The following CSPG4 variants were observed in gnomAD, a reference collection of about 807,000 sequenced individuals.
CSPG4 encodes the protein chondroitin sulfate proteoglycan 4 (melanoma-associated).
Under a neutral mutation model 139.3 loss-of-function variants are expected in CSPG4, and 74 were observed. The ratio of observed to expected loss-of-function variants is 0.53; its 90% CI spans 0.44 to 0.64. The LOEUF (loss-of-function observed/expected upper bound fraction) is 0.64, where lower values mean the gene tolerates loss of function less well. Ranked by LOEUF, CSPG4 falls within the 30% of genes least tolerant of loss-of-function variation. The pLI, the probability that CSPG4 is intolerant of heterozygous loss-of-function variation, is 0.00. For missense variants in CSPG4, 2,565 were observed against 3,148.3 expected, an observed-to-expected ratio of 0.81 and a Z score of 4.43; for synonymous variants, 1,234 against 1,394.2, an observed-to-expected ratio of 0.89 and a Z score of 2.56.
At chr15:75,678,380 T>C (rs1596005688) in intron 8 of CSPG4, 1 of 246,956 alleles carries the variant, frequency 4.0e-6, no homozygotes, top group East Asian at 1.3e-4. Context: ...TGAGACAGGG[T>C]CTTGCTCTGT....
At chr15:75,706,427 GTA>G (rs1331871496) in intron 1 of CSPG4, among the ~76,000 whole-genome samples, 3 of 151,988 alleles carry the variant, frequency 2.0e-5, no homozygotes, top group South Asian at 2.1e-4. Context: ...GTGTGAATGT[GTA>G]TGTGTGTGTG....
chr15:75,677,027 C>G lies in CSPG4; in HGVS notation c.5492G>C (p.Arg1831Pro), dbSNP rs1278061018. 7.7e-6 allele frequency: 11 copies of G among 1,433,624 alleles called. No homozygotes were observed. Among genetic ancestry groups the G allele is most frequent in the Non-Finnish European group, 1.0e-5 (11 of 1,086,760 alleles). 88.8% of individuals were successfully genotyped at this position (1,433,624 alleles called of 1,614,324 possible). A position where few individuals can be genotyped will look rare whatever the true frequency, so the allele number is the denominator to read the frequency against. ...GACAGAGGCCTGTGGCTGAGGGGGC[C>G]GCTCATTTACATCCCTCACCGTGAT... ...FAITVRDVNE[R>P]PPQPQASVPL... The change falls in exon 10 of 10, where the codon CGG becomes CCG. Residue 1831 changes from arginine (R) to proline (P), a missense_variant. By Grantham distance (103) the Arg-to-Pro change is moderately radical. This residue lies in a region of CSPG4 where 2,316 missense variants were observed against 2,818.2 expected (regional missense o/e 0.82). Coordinates refer to ENST00000308508, the MANE Select transcript of CSPG4 (RefSeq NM_001897.5).
intron 1 of CSPG4, among the ~76,000 whole-genome samples, chr15:75,707,502 T>A (rs1424461290): frequency 6.6e-6 from 1 of 152,242 alleles, no homozygotes; most frequent in East Asian, 1.9e-4. Context: ...TCAGCCAGTG[T>A]GGAGTGAGGG....
At chr15:75,692,217 C>G (rs569742761) in intron 2 of CSPG4, among the ~76,000 whole-genome samples, 1 of 152,188 alleles carries the variant, frequency 6.6e-6, no homozygotes, top group Non-Finnish European at 1.5e-5. Flanking sequence ...CTCCTGACCT[C>G]AGGTGATCCA....
intron 3 of CSPG4, among the ~76,000 whole-genome samples, chr15:75,686,150 G>A (rs1413674434): frequency 2.0e-5 from 3 of 152,166 alleles, no homozygotes; most frequent in Non-Finnish European, 2.9e-5. Context: ...GCAGGGGGTC[G>A]GTCACACAGC....
At chr15:75,686,943 AG>A (rs1309796777) in intron 3 of CSPG4, among the ~76,000 whole-genome samples, 2 of 152,128 alleles carry the variant, frequency 1.3e-5, no homozygotes, top group Non-Finnish European at 2.9e-5. Flanking sequence ...ATGTCCTCCC[AG>A]GGAACTGACT....
chr15:75,694,075 G>A (rs916382112), intron 1 of CSPG4, among the ~76,000 whole-genome samples: 3 of 152,246 alleles, frequency 2.0e-5, no homozygotes, highest in African/African-American at 7.2e-5. Flanking sequence ...AGGAACCAGG[G>A]ATGAGAACAG....
At chr15:75,703,364 A>G (rs1331827830) in intron 1 of CSPG4, among the ~76,000 whole-genome samples, 1 of 151,352 alleles carries the variant, frequency 6.6e-6, no homozygotes, top group East Asian at 2.0e-4. Context: ...GGCAGACAGA[A>G]GCCGTGAGGG....
rs771066605 is a variant in CSPG4 at position 75,687,241 on chromosome 15, G to A, written c.3789+35C>T. 1.2e-6 allele frequency: 2 copies of A among 1,605,890 alleles called. No individual in the cohort carries two copies. The highest frequency in any genetic ancestry group is 1.1e-5 in the South Asian group (1 of 90,720). On this transcript the variant is annotated intron_variant, in intron 3 of 9. Coordinates refer to ENST00000308508, the MANE Select transcript of CSPG4 (RefSeq NM_001897.5). The surrounding 1 kb of genome is among the most constrained non-coding windows in gnomAD (Gnocchi z 5.4). ...AGGCTGGGAGAAGGCCCTCTACCTGGCCCACACCCCTGCTCACCACCTCCA... is the reference window on the plus strand; with the variant it reads ...AGGCTGGGAGAAGGCCCTCTACCTGACCCACACCCCTGCTCACCACCTCCA...
chr15:75,691,520 G>A (rs1894165180), intron 2 of CSPG4, among the ~76,000 whole-genome samples: 1 of 152,188 alleles, frequency 6.6e-6, no homozygotes, highest in Non-Finnish European at 1.5e-5. Context: ...TGGGTAACTG[G>A]GAATCCCTTG....
chr15:75,703,487 G>C (rs936202340), intron 1 of CSPG4, among the ~76,000 whole-genome samples: 1 of 151,786 alleles, frequency 6.6e-6, no homozygotes, highest in African/African-American at 2.4e-5. Context: ...CTGTGGCCTC[G>C]CCCACCCCCA....
At chr15:75,678,853 C>A (rs757746599) in intron 8 of CSPG4, 20 of 453,392 alleles carry the variant, frequency 4.4e-5, no homozygotes, top group Non-Finnish European at 8.4e-5. Flanking sequence ...TTGGATCCAG[C>A]GGTCGGCTCT....
chr15:75,710,434 A>G (rs1198087066), intron 1 of CSPG4, among the ~76,000 whole-genome samples: 1 of 152,120 alleles, frequency 6.6e-6, no homozygotes, highest in Non-Finnish European at 1.5e-5. Context: ...CAGTGGCCCA[A>G]GCCTAGGCCC....
Position 75,674,738 on chromosome 15 carries a change from G to A in CSPG4, c.*812C>T. Reference sequence around the variant, plus strand: ...GCAGTGGCCTCGGCCTGAGACCCTCGATGAGCCCCAGCCTAACCTGCTCCA... The same window carrying A: ...GCAGTGGCCTCGGCCTGAGACCCTCAATGAGCCCCAGCCTAACCTGCTCCA... On this transcript the variant is annotated 3_prime_UTR_variant, in exon 10 of 10. Transcript: ENST00000308508. 2.5e-6 allele frequency: 1 copy of A among 398,688 alleles called. No homozygotes were observed. Among genetic ancestry groups the A allele is most frequent in the Non-Finnish European group, 4.4e-6 (1 of 226,068 alleles). 24.7% of individuals were successfully genotyped at this position (398,688 alleles called of 1,614,324 possible).
rs143892477 is a variant in CSPG4, at chr15:75,690,039, C to T, written c.1026G>A (p.Leu342=). 5.8e-5 allele frequency: 94 copies of T among 1,611,704 alleles called. No individual in the cohort carries two copies. The African/African-American group carries it at 1.1e-3, about 18-fold the overall frequency. ...SRHLQEHRLG[L]TPEATNASLL... Reference sequence around the variant, plus strand: ...GGGAGGCATTGGTGGCCTCTGGTGTCAGGCCCAGGCGGTGTTCCTGGAGGT... The same window carrying T: ...GGGAGGCATTGGTGGCCTCTGGTGTTAGGCCCAGGCGGTGTTCCTGGAGGT... The change falls in exon 3 of 10, where the codon CTG becomes CTA. Residue 342 remains leucine, a synonymous_variant. Transcript: ENST00000308508.
chr15:75,682,791 CAG>C, intron 6 of CSPG4, 50 bp from the exon 7 acceptor site: 1 of 1,607,064 alleles, frequency 6.2e-7, no homozygotes, highest in Middle Eastern at 1.8e-4. Flanking sequence ...CTCCCCATCT[CAG>C]GGCACCCCCG....
intron 1 of CSPG4, among the ~76,000 whole-genome samples, chr15:75,701,876 G>A (rs1021367458): frequency 1.3e-5 from 2 of 152,150 alleles, no homozygotes; most frequent in Non-Finnish European, 2.9e-5. Context: ...GTAGACATCT[G>A]AGGGTCGCAC....
intron 8 of CSPG4, among the ~76,000 whole-genome samples, chr15:75,681,070 C>G (rs1893967773): frequency 1.3e-5 from 2 of 152,218 alleles, no homozygotes; most frequent in South Asian, 4.1e-4. Context: ...TTGACAAAGG[C>G]TCCCAGCAAC....
Position 75,687,786 on chromosome 15 carries a change from G to A in CSPG4, c.3279C>T (p.Phe1093=), listed in dbSNP as rs144239750. The A allele has an allele frequency of 1.4e-5, 22 of 1,612,910 alleles. No homozygotes were observed. Among genetic ancestry groups the A allele is most frequent in the South Asian group, 1.2e-4 (11 of 91,080 alleles). Residue 1093 remains phenylalanine, a synonymous_variant, in exon 3 of 10, where the codon TTC becomes TTT. Transcript: ENST00000308508. The surrounding 1 kb of genome is among the most constrained non-coding windows in gnomAD (Gnocchi z 5.4). The part of the protein sequence containing the change: ...QEDLRKRRVL[F]VHSGADRGWI... Reference sequence around the variant, plus strand: ...AGCCACGGTCAGCCCCTGAGTGCACGAACAGTACTCGCCTCTTCCTGAGGT... The same window carrying A: ...AGCCACGGTCAGCCCCTGAGTGCACAAACAGTACTCGCCTCTTCCTGAGGT...
Sources: allele counts gnomAD v4.1 joint callset (sites outside exome capture counted in the v4.1 genomes callset), GRCh38; gene constraint gnomAD v4.1.1; regional missense constraint gnomAD v4.1.1; non-coding constraint Gnocchi (gnomAD v3.1); transcripts MANE v1.5; gene names NCBI Gene and HGNC (gene_info 2026-07-23, HGNC 2026-07-21).